The following ARHGAP42 variants were observed in gnomAD, a reference collection of about 807,000 sequenced individuals.
ARHGAP42 encodes the protein Rho GTPase activating protein 42.
A neutral mutation model predicts 125.0 loss-of-function variants in ARHGAP42; 63 were observed. That is an observed-to-expected ratio of 0.50 (90% CI 0.41 to 0.62). The LOEUF is 0.62. Ranked by LOEUF, ARHGAP42 falls within the 20% of genes least tolerant of loss-of-function variation. The pLI, the probability that ARHGAP42 is intolerant of heterozygous loss-of-function variation, is 0.00. For missense variants in ARHGAP42, 766 were observed against 1,024.2 expected, an observed-to-expected ratio of 0.75 and a Z score of 3.44; for synonymous variants, 339 against 351.0, an observed-to-expected ratio of 0.97 and a Z score of 0.38.
At chr11:100,913,420 A>G (rs1565273097) in intron 4 of ARHGAP42, 32 bp from the exon 5 acceptor site, 2 of 1,084,082 alleles carry the variant, frequency 1.8e-6, no homozygotes, top group Non-Finnish European at 2.4e-6. Flanking sequence ...GCTCTGAGTT[A>G]AATATTTTTT....
At chr11:100,847,812 T>C (rs1865105552) in intron 3 of ARHGAP42, among the ~76,000 whole-genome samples, 1 of 151,988 alleles carries the variant, frequency 6.6e-6, no homozygotes, top group Non-Finnish European at 1.5e-5. Context: ...GAGGGTGTGT[T>C]TTTGAGGTGT....
chr11:100,992,806 T>C lies in ARHGAP42; in HGVS notation c.*4005T>C, dbSNP rs1051347465. 1.4e-4 allele frequency: 180 copies of C among 1,322,662 alleles called. No individual in the cohort carries two copies. The highest frequency in any genetic ancestry group is 1.7e-4 in the Non-Finnish European group (166 of 964,308). 81.9% of individuals were successfully genotyped at this position (1,322,662 alleles called of 1,614,324 possible). On this transcript the variant is annotated 3_prime_UTR_variant, in exon 24 of 24. Transcript: ENST00000298815. ...TCTTACATAAGAATGTTGACAACAT[T>C]CACAGTAAGCCATTGGCAGAAAATT... is the stretch of plus-strand genomic sequence containing the variant.
chr11:100,797,102 G>A (rs1863735595), intron 3 of ARHGAP42, among the ~76,000 whole-genome samples: 1 of 152,182 alleles, frequency 6.6e-6, no homozygotes, highest in Admixed American at 6.6e-5. Flanking sequence ...TGAAAGAGGT[G>A]AGGAAAGCTG....
chr11:100,709,330 A>G (rs926568782), intron 1 of ARHGAP42, among the ~76,000 whole-genome samples: 2 of 152,106 alleles, frequency 1.3e-5, no homozygotes, highest in East Asian at 3.9e-4. Flanking sequence ...CTGTCTCTCA[A>G]ATACCCTGTA....
rs76060442 is a variant in ARHGAP42, at chr11:100,974,022, T to C, written c.1711-437T>C. 5.8e-3 allele frequency among the ~76,000 whole-genome samples: 884 copies of C among 152,220 alleles called. 14 individuals carry two copies. The highest frequency in any genetic ancestry group is 0.02 in the African/African-American group (846 of 41,538). Reference sequence around the variant, plus strand: ...TGGCTGTGTCCTGTAGCTCTGCACATACCTTAACCTGCAGCTAGCCACACT... The same window carrying C: ...TGGCTGTGTCCTGTAGCTCTGCACACACCTTAACCTGCAGCTAGCCACACT... On this transcript the variant is annotated intron_variant, in intron 18 of 23. Coordinates refer to ENST00000298815, the MANE Select transcript of ARHGAP42 (RefSeq NM_152432.4).
intron 19 of ARHGAP42, among the ~76,000 whole-genome samples, chr11:100,974,832 T>C (rs1158520904): frequency 6.6e-6 from 1 of 152,190 alleles, no homozygotes; most frequent in East Asian, 1.9e-4. Flanking sequence ...TCAAGGCCCT[T>C]TTTTCTGCAA....
At chr11:100,690,435 T>C (rs1230448913) in intron 1 of ARHGAP42, among the ~76,000 whole-genome samples, 1 of 152,186 alleles carries the variant, frequency 6.6e-6, no homozygotes, top group Non-Finnish European at 1.5e-5. Context: ...GAGTCACACA[T>C]GCTCCTTGCT....
intron 2 of ARHGAP42, among the ~76,000 whole-genome samples, chr11:100,788,029 T>C (rs1863476423): frequency 6.6e-6 from 1 of 152,322 alleles, no homozygotes; most frequent in African/African-American, 2.4e-5. Flanking sequence ...CTAGTTTTAT[T>C]ATCATTTTCT....
At chr11:100,879,089 G>T (rs775290257) in intron 4 of ARHGAP42, among the ~76,000 whole-genome samples, 4 of 151,814 alleles carry the variant, frequency 2.6e-5, no homozygotes, top group Non-Finnish European at 1.5e-5. Context: ...AAAAAATATG[G>T]TCTGGGGCCA....
intron 1 of ARHGAP42, among the ~76,000 whole-genome samples, chr11:100,749,753 C>G (rs1690607051): frequency 2.0e-5 from 3 of 152,162 alleles, no homozygotes; most frequent in Admixed American, 2.0e-4. Flanking sequence ...CTCCGTCCAG[C>G]AGTAGGACTT....
intron 1 of ARHGAP42, among the ~76,000 whole-genome samples, chr11:100,768,279 A>G (rs1862880502): frequency 6.6e-6 from 1 of 151,884 alleles, no homozygotes; most frequent in African/African-American, 2.4e-5. Context: ...GCCAAGGAGC[A>G]GGATGTGGGG....
chr11:100,744,749 A>G (rs1365162765), intron 1 of ARHGAP42, among the ~76,000 whole-genome samples: 1 of 152,302 alleles, frequency 6.6e-6, no homozygotes, highest in East Asian at 1.9e-4. Flanking sequence ...TGTAGTAGCA[A>G]TGTGCTCAGT....
intron 12 of ARHGAP42, among the ~76,000 whole-genome samples, chr11:100,957,310 A>G (rs566900759): frequency 8.6e-4 from 130 of 151,598 alleles, no homozygotes; most frequent in African/African-American, 2.9e-3. Flanking sequence ...AGCAGATAGG[A>G]AAAAAAAACC....
chr11:100,876,725 G>C (rs569589018), intron 4 of ARHGAP42, among the ~76,000 whole-genome samples: 1 of 152,296 alleles, frequency 6.6e-6, no homozygotes, highest in East Asian at 1.9e-4. Context: ...CACATATATT[G>C]AGAGAAATCT....
chr11:100,951,491 T>C (rs575448), intron 12 of ARHGAP42, among the ~76,000 whole-genome samples: 1 of 152,086 alleles, frequency 6.6e-6, no homozygotes, highest in Non-Finnish European at 1.5e-5. Flanking sequence ...ATTGTTGATA[T>C]GCACTATAAG....
intron 15 of ARHGAP42, 25 bp from the exon 16 acceptor site, chr11:100,962,384 C>T (rs1396950071): frequency 6.5e-7 from 1 of 1,542,504 alleles, no homozygotes; most frequent in Non-Finnish European, 8.8e-7. Context: ...ACTATTCTAA[C>T]ATGTGTTTCC....
intron 4 of ARHGAP42, among the ~76,000 whole-genome samples, chr11:100,864,381 C>G (rs1430774332): frequency 2.0e-5 from 3 of 151,970 alleles, no homozygotes; most frequent in Non-Finnish European, 4.4e-5. Context: ...GAAAAGATTT[C>G]ACACTGGCCA....
intron 3 of ARHGAP42, among the ~76,000 whole-genome samples, chr11:100,827,002 C>CTTTTTTTTTTT (rs869260353): frequency 3.7e-5 from 3 of 80,884 alleles, no homozygotes; most frequent in African/African-American, 4.9e-5. Flanking sequence ...GCCTTACATC[C>CTTTTTTTTTTT]TTTTTTTTTT....
At chr11:100,934,397 A>G (rs1174522600) in intron 7 of ARHGAP42, among the ~76,000 whole-genome samples, 2 of 152,148 alleles carry the variant, frequency 1.3e-5, no homozygotes, top group South Asian at 4.1e-4. Flanking sequence ...AAATAAGAAA[A>G]AATAAATACA....
Sources: gnomAD v4.1 joint callset for allele counts (sites outside exome capture counted in the v4.1 genomes callset) on GRCh38, gnomAD v4.1.1 for gene constraint, MANE v1.5 for transcripts, NCBI Gene and HGNC (gene_info 2026-07-23, HGNC 2026-07-21) for gene names.